Variants in DMD observed in about 807,000 individuals in gnomAD.
DMD encodes mutant dystrophin.
A neutral mutation model predicts 330.1 loss-of-function variants in DMD; 63 were observed. The observed-to-expected ratio is 0.19, with a 90% CI of 0.16 to 0.24. The LOEUF (loss-of-function observed/expected upper bound fraction) is 0.24, where lower values mean the gene tolerates loss of function less well. Among genes scored for constraint, DMD ranks in the 10% least tolerant of loss-of-function variants. DMD has a pLI of 1.00. For synonymous variants in DMD, 1,223 were observed against 959.8 expected, an observed-to-expected ratio of 1.27 and a Z score of -5.07; for missense variants, 3,344 against 2,684.1, an observed-to-expected ratio of 1.25 and a Z score of -5.43.
At chrX:32,445,303 T>C (rs1002104658) in intron 27 of DMD, among the ~76,000 whole-genome samples, 2 of 110,367 alleles carry the variant, frequency 1.8e-5, no homozygotes, top group Non-Finnish European at 3.8e-5. Flanking sequence ...ATTATAGATG[T>C]GTGTGGGTTT....
intron 62 of DMD, among the ~76,000 whole-genome samples, chrX:31,308,706 C>T (rs963525491): frequency 8.1e-5 from 9 of 110,541 alleles, no homozygotes; most frequent in Non-Finnish European, 1.5e-4. Context: ...GCTGCTGTGC[C>T]GTGCCATCTA....
At chrX:32,141,863 A>T (rs1007361551) in intron 44 of DMD, among the ~76,000 whole-genome samples, 5 of 111,817 alleles carry the variant, frequency 4.5e-5, no homozygotes, top group Non-Finnish European at 9.4e-5. Flanking sequence ...ACAAGGCAGG[A>T]CAAGAGAGAT....
intron 44 of DMD, among the ~76,000 whole-genome samples, chrX:32,102,912 T>TATC (rs1170458405): frequency 1.8e-5 from 2 of 112,103 alleles, no homozygotes; most frequent in African/African-American, 3.2e-5. Flanking sequence ...TCACATGACT[T>TATC]ATCACTGAGA....
intron 1 of DMD, among the ~76,000 whole-genome samples, chrX:33,117,896 T>C (rs2095397203): frequency 9.0e-6 from 1 of 111,446 alleles, no homozygotes; most frequent in Non-Finnish European, 1.9e-5. Flanking sequence ...TTGTCTCATA[T>C]ACTACGGGAC....
intron 56 of DMD, among the ~76,000 whole-genome samples, chrX:31,506,623 A>G (rs1280430457): frequency 8.9e-6 from 1 of 112,278 alleles, no homozygotes; most frequent in Non-Finnish European, 1.9e-5. Context: ...TTTTACAAAG[A>G]TGCTATGATG....
chrX:31,557,779 C>G (rs1458171443), intron 55 of DMD, among the ~76,000 whole-genome samples: 1 of 110,967 alleles, frequency 9.0e-6, no homozygotes. Flanking sequence ...AAGATTCTAA[C>G]TAGCACAATG....
chrX:32,898,725 G>T (rs1398661596), intron 2 of DMD, among the ~76,000 whole-genome samples: 2 of 110,877 alleles, frequency 1.8e-5, no homozygotes, highest in Non-Finnish European at 3.8e-5. Flanking sequence ...TGCAATGAGG[G>T]CTGCTGGGGA....
intron 7 of DMD, among the ~76,000 whole-genome samples, chrX:32,798,450 T>G (rs1018325112): frequency 1.8e-5 from 2 of 111,997 alleles, no homozygotes; most frequent in Admixed American, 1.9e-4. Context: ...ACGTCTTAAT[T>G]TTTGTCATGA....
intron 1 of DMD, among the ~76,000 whole-genome samples, chrX:33,315,885 A>C (rs2053925611): frequency 9.1e-6 from 1 of 110,442 alleles, no homozygotes; most frequent in South Asian, 3.8e-4. Context: ...TCTTCAATTT[A>C]TTTGACCAGA....
At position 32,721,459 on chromosome X, in the gene DMD, T is replaced by C. The variant is rs774847546; in HGVS notation, c.650-22166A>G. Reference sequence around the variant, plus strand: ...GATTTGCATTTCCCTAATAGTGATATTGAGCACGTTTTAATTTCCCTGTTG... The same window carrying C: ...GATTTGCATTTCCCTAATAGTGATACTGAGCACGTTTTAATTTCCCTGTTG... On this transcript the variant is annotated intron_variant, in intron 7 of 78. Transcript: ENST00000357033. Among the ~76,000 whole-genome samples, 34 of 110,388 alleles carry C rather than the reference T, an allele frequency of 3.1e-4. 1 individual carries two copies. In the South Asian group the frequency reaches 0.013, roughly 41 times the overall value.
chrX:33,333,602 T>C (rs1286037969), intron 1 of DMD, among the ~76,000 whole-genome samples: 2 of 111,219 alleles, frequency 1.8e-5, no homozygotes, highest in Admixed American at 1.9e-4. Context: ...AAAAAAAATG[T>C]GGGGATTTTA....
At chrX:33,049,114 T>C (rs1027841292) in intron 1 of DMD, among the ~76,000 whole-genome samples, 4 of 111,884 alleles carry the variant, frequency 3.6e-5, no homozygotes, top group African/African-American at 1.3e-4. Context: ...AATGAAACTT[T>C]AAATATGTAG....
rs189098438 is a variant in DMD at position 32,527,938 on chromosome X, T to C, written c.2169-9807A>G. 4.3e-3 allele frequency among the ~76,000 whole-genome samples: 476 copies of C among 111,904 alleles called. 5 individuals are homozygous for C. Among genetic ancestry groups the C allele is most frequent in the African/African-American group, 0.015 (455 of 30,801 alleles). On this transcript the variant is annotated intron_variant, in intron 17 of 78. Coordinates refer to ENST00000357033, the MANE Select transcript of DMD (RefSeq NM_004006.3). Reference sequence around the variant, plus strand: ...GGCCACATGATTGTCTTGTATTTTGTAATATGTGTGATACGTGTGTGTTTG... The same window carrying C: ...GGCCACATGATTGTCTTGTATTTTGCAATATGTGTGATACGTGTGTGTTTG...
chrX:31,178,603 T>G, intron 70 of DMD, 66 bp downstream of exon 70: 1 of 1,146,102 alleles, frequency 8.7e-7, no homozygotes, highest in Non-Finnish European at 1.2e-6. Context: ...TGAAGGAGGG[T>G]GTTCAGCTGA....
rs191008719 is a variant in DMD at position 32,060,273 on chromosome X, C to T, written c.6439-91759G>A. Among the ~76,000 whole-genome samples, 180 of 111,141 alleles carry T rather than the reference C, an allele frequency of 1.6e-3. 1 individual carries two copies. The highest frequency in any genetic ancestry group is 5.6e-3 in the African/African-American group (171 of 30,677). On this transcript the variant is annotated intron_variant, in intron 44 of 78. Coordinates refer to ENST00000357033, the MANE Select transcript of DMD (RefSeq NM_004006.3). ...TAAGTGAAAATAATGATCTATCCAA[C>T]TTTGAGTGGTTTCCCTACACTTTTT...
At chrX:32,268,012 A>T (rs942823519) in intron 43 of DMD, among the ~76,000 whole-genome samples, 1 of 112,415 alleles carries the variant, frequency 8.9e-6, no homozygotes, top group Non-Finnish European at 1.9e-5. Context: ...AGAAATAGAA[A>T]GACACAGCCA....
intron 9 of DMD, among the ~76,000 whole-genome samples, chrX:32,690,447 T>C (rs1033395256): frequency 1.8e-5 from 2 of 111,498 alleles, no homozygotes; most frequent in African/African-American, 6.5e-5. Flanking sequence ...ACTAATATAA[T>C]CTTTATCAAA....
chrX:32,099,356 T>G (rs181069298), intron 44 of DMD, among the ~76,000 whole-genome samples: 2,537 of 110,785 alleles, frequency 0.023, 75 homozygotes, highest in African/African-American at 0.08. Context: ...GGCCTAGAAC[T>G]AGAAATACCA....
At chrX:32,242,370 C>A (rs1021301478) in intron 43 of DMD, among the ~76,000 whole-genome samples, 2 of 111,865 alleles carry the variant, frequency 1.8e-5, no homozygotes, top group African/African-American at 6.5e-5. Flanking sequence ...ACTTCAGTGT[C>A]CTTGGTACTA....
Sources: allele counts gnomAD v4.1 joint callset (sites outside exome capture counted in the v4.1 genomes callset), GRCh38; gene constraint gnomAD v4.1.1; transcripts MANE v1.5; gene names NCBI Gene and HGNC (gene_info 2026-07-23, HGNC 2026-07-21).